Variants in TMEM242 observed in about 807,000 individuals in gnomAD.
TMEM242 encodes the protein transmembrane protein 242, also known as UPF0463 transmembrane protein C6orf35.
In TMEM242, 10 loss-of-function variants were observed where a neutral mutation model predicts 18.2. That is an observed-to-expected ratio of 0.55 (90% CI 0.34 to 0.93). TMEM242 has a LOEUF of 0.93. TMEM242 is among the 40% of genes least tolerant of loss of function. TMEM242 has a pLI of 0.02. For synonymous variants in TMEM242, 57 were observed against 69.9 expected (o/e 0.81, Z 0.92); for missense variants, 186 against 175.5 (o/e 1.06, Z -0.34).
chr6:157,293,009 G>A lies in TMEM242; in HGVS notation c.328-10C>T. 6.3e-7 allele frequency: 1 copy of A among 1,595,408 alleles called. No homozygotes were observed. The highest frequency in any genetic ancestry group is 8.6e-7 in the Non-Finnish European group (1 of 1,163,766). On this transcript the variant is annotated splice_polypyrimidine_tract_variant and intron_variant, in intron 3 of 3. Coordinates refer to ENST00000400788, the MANE Select transcript of TMEM242 (RefSeq NM_018452.6). ...TTCGAAAGTCGTTCATCTAAAAGAA[G>A]AAAAATAATCAGTTATCAAATGTTA...
At chr6:157,310,729 C>T (rs1554248413) in intron 3 of TMEM242, among the ~76,000 whole-genome samples, 11 of 148,776 alleles carry the variant, frequency 7.4e-5, no homozygotes, top group African/African-American at 2.4e-4. Context: ...CAGCTAGCCT[C>T]ATCATAGTGT....
chr6:157,323,408 T>C lies in TMEM242; in HGVS notation c.88+4A>G. ...CGCCCGCACCTCACCACAGCACATCTTACCTTTAACCAGGAAAAGCCGGTC... is the reference window on the plus strand; with the variant it reads ...CGCCCGCACCTCACCACAGCACATCCTACCTTTAACCAGGAAAAGCCGGTC... On this transcript the variant is annotated splice_donor_region_variant and intron_variant, in intron 1 of 3. Coordinates refer to ENST00000400788, the MANE Select transcript of TMEM242 (RefSeq NM_018452.6). The C allele has an allele frequency of 3.7e-6, 6 of 1,613,982 alleles. No homozygotes were observed. Among genetic ancestry groups the C allele is most frequent in the Non-Finnish European group, 5.1e-6 (6 of 1,179,890 alleles).
chr6:157,312,190 G>A (rs1778162672), intron 3 of TMEM242, among the ~76,000 whole-genome samples: 1 of 147,620 alleles, frequency 6.8e-6, no homozygotes, highest in African/African-American at 2.5e-5. Context: ...TCATCATAGT[G>A]TCCCAGTGTG....
chr6:157,312,541 G>C (rs74706926), intron 3 of TMEM242, among the ~76,000 whole-genome samples: 737 of 20,086 alleles, frequency 0.037, 14 homozygotes, highest in African/African-American at 0.06. Flanking sequence ...TGTGCACTCA[G>C]CTAGCCTCAT....
At chr6:157,313,987 C>A (rs202005093) in intron 3 of TMEM242, among the ~76,000 whole-genome samples, 11 of 16,020 alleles carry the variant, frequency 6.9e-4, no homozygotes, top group South Asian at 2.1e-3. Context: ...ATCATAGTGC[C>A]CCAGTGTGCG....
At chr6:157,299,103 GC>G (rs1554247337) in intron 3 of TMEM242, 1 of 98,708 alleles carries the variant, frequency 1.0e-5, no homozygotes, top group African/African-American at 2.4e-4. Context: ...TTTCAGGGGG[GC>G]CTCCTCTTCA....
chr6:157,296,349 G>C (rs1405462954), intron 3 of TMEM242, among the ~76,000 whole-genome samples: 2 of 152,164 alleles, frequency 1.3e-5, no homozygotes, highest in Non-Finnish European at 2.9e-5. Flanking sequence ...CTTCCAAGCA[G>C]TGCTGCTGTG....
At chr6:157,293,698 T>C (rs1263441901) in intron 3 of TMEM242, among the ~76,000 whole-genome samples, 1 of 152,036 alleles carries the variant, frequency 6.6e-6, no homozygotes, top group Non-Finnish European at 1.5e-5. Context: ...GGTAGGAGTT[T>C]TACAAGCAGT....
At chr6:157,313,111 T>TCC (rs1778244546) in intron 3 of TMEM242, among the ~76,000 whole-genome samples, 29 of 118,118 alleles carry the variant, frequency 2.5e-4, no homozygotes, top group African/African-American at 9.6e-4. Context: ...TGTCCCAGTG[T>TCC]GTGCTCACCC....
At chr6:157,316,081 A>G (rs1778384829) in intron 3 of TMEM242, among the ~76,000 whole-genome samples, 1 of 152,186 alleles carries the variant, frequency 6.6e-6, no homozygotes, top group Admixed American at 6.5e-5. Flanking sequence ...GACTATTTGT[A>G]TTTTCAAATA....
In TMEM242 at chr6:157,294,000, C is replaced by T. The variant is rs781967836; in HGVS notation, c.328-1001G>A. Among the ~76,000 whole-genome samples the T allele has an allele frequency of 7.9e-5, 12 of 152,256 alleles. 1 individual carries two copies. The highest frequency in any genetic ancestry group is 4.1e-4 in the South Asian group (2 of 4,820). On this transcript the variant is annotated intron_variant, in intron 3 of 3. Coordinates refer to ENST00000400788, the MANE Select transcript of TMEM242 (RefSeq NM_018452.6). ...TCTCCCAAAGTGCTGAGATCACAGG[C>T]GTGCACCACCGCGCCCAGCCTAAGA...
chr6:157,314,679 C>T (rs1406560363), intron 3 of TMEM242, among the ~76,000 whole-genome samples: 2 of 152,128 alleles, frequency 1.3e-5, no homozygotes, highest in African/African-American at 2.4e-5. Context: ...TCTTTAGATC[C>T]TCTGGTTAAA....
At position 157,292,964 on chromosome 6, in the gene TMEM242, A is replaced by G. The variant is rs782337261; in HGVS notation, c.363T>C (p.Phe121=). The part of the protein sequence containing the change: ...NDFRSKMQSI[F]PTIPKNSESA... ...ATTCGGAGTTCTTGGGAATTGTTGG[A>G]AATATTGATTGCATTTTACTTCGAA... Residue 121 remains phenylalanine (F), a synonymous_variant, in exon 4 of 4, where the codon TTT becomes TTC. Transcript: ENST00000400788. 3 of 1,613,866 alleles carry G rather than the reference A, an allele frequency of 1.9e-6. No individual in the cohort carries two copies. In the East Asian group the frequency reaches 6.7e-5, roughly 36 times the overall value.
intron 3 of TMEM242, chr6:157,299,898 TG>T: frequency 6.2e-7 from 1 of 1,612,738 alleles, no homozygotes; most frequent in Non-Finnish European, 8.5e-7. Context: ...AATAAGATGC[TG>T]GTAGCGCAGG....
chr6:157,301,257 T>C (rs1278443634), intron 3 of TMEM242, among the ~76,000 whole-genome samples: 3 of 152,200 alleles, frequency 2.0e-5, no homozygotes, highest in Non-Finnish European at 4.4e-5. Flanking sequence ...AAAAAAAAGA[T>C]TTCCGCTTTA....
chr6:157,313,324 C>A (rs1554249695), intron 3 of TMEM242, among the ~76,000 whole-genome samples: 1 of 56,764 alleles, frequency 1.8e-5, no homozygotes. Flanking sequence ...GTGCGCTCAC[C>A]TGGCCTCATC....
In TMEM242 at chr6:157,305,648, A is replaced by G. The variant is rs587748121; in HGVS notation, c.328-12649T>C. On this transcript the variant is annotated intron_variant, in intron 3 of 3. Coordinates refer to ENST00000400788, the MANE Select transcript of TMEM242 (RefSeq NM_018452.6). The surrounding 1 kb of genome is among the most constrained non-coding windows in gnomAD (Gnocchi z 4.1). ...AGAGTTTAAGTAGGAGCTACTGGACACTGATGTTAAGAGGCTGGCCAGGGG... is the reference window on the plus strand; with the variant it reads ...AGAGTTTAAGTAGGAGCTACTGGACGCTGATGTTAAGAGGCTGGCCAGGGG... 2.0e-5 allele frequency among the ~76,000 whole-genome samples: 3 copies of G among 152,320 alleles called. No homozygotes were observed. Among genetic ancestry groups the G allele is most frequent in the Non-Finnish European group, 4.4e-5 (3 of 68,024 alleles).
intron 3 of TMEM242, among the ~76,000 whole-genome samples, chr6:157,301,564 G>A (rs1255391520): frequency 6.6e-6 from 1 of 152,094 alleles, no homozygotes; most frequent in South Asian, 2.1e-4. Context: ...TGCCTGTCTC[G>A]GCCTCCCAAA....
chr6:157,313,689 G>A, intron 3 of TMEM242, among the ~76,000 whole-genome samples: 1 of 143,024 alleles, frequency 7.0e-6, no homozygotes. Context: ...GTCCCAATGT[G>A]CGCTCACCTG....
Sources: allele counts gnomAD v4.1 joint callset (sites outside exome capture counted in the v4.1 genomes callset), GRCh38; gene constraint gnomAD v4.1.1; non-coding constraint Gnocchi (gnomAD v3.1); transcripts MANE v1.5; gene names NCBI Gene and HGNC (gene_info 2026-07-23, HGNC 2026-07-21).